Variants in PAX6 observed in about 807,000 individuals in gnomAD.
PAX6 encodes paired box 6, also known as paired box protein Pax-6.
Under a neutral mutation model 60.7 loss-of-function variants are expected in PAX6, and 7 were observed. The ratio of observed to expected loss-of-function variants is 0.12; its 90% CI spans 0.07 to 0.22. The LOEUF (loss-of-function observed/expected upper bound fraction) is 0.22, where lower values mean the gene tolerates loss of function less well. PAX6 is among the 10% of genes least tolerant of loss of function. The pLI, the probability that PAX6 is intolerant of heterozygous loss-of-function variation, is 1.00. For missense variants in PAX6, 355 were observed against 555.2 expected (o/e 0.64, Z 3.62); for synonymous variants, 208 against 201.2 (o/e 1.03, Z -0.29).
intron 12 of PAX6, chr11:31,791,163 T>A (rs935668542): frequency 6.6e-6 from 3 of 452,692 alleles, no homozygotes; most frequent in African/African-American, 6.0e-5. Context: ...TAACCTCTGC[T>A]AGCATCTTTG....
intron 4 of PAX6, 44 bp from the exon 5 acceptor site, chr11:31,802,878 G>C (rs1294887059): frequency 6.3e-7 from 1 of 1,589,200 alleles, no homozygotes; most frequent in South Asian, 1.1e-5. Context: ...GAAGAGAAGA[G>C]AGCAGAGTGA....
upstream of PAX6, among the ~76,000 whole-genome samples, chr11:31,815,488 G>A (rs1360616337): frequency 1.3e-5 from 2 of 152,136 alleles, no homozygotes; most frequent in Non-Finnish European, 2.9e-5. Context: ...ACAGGCAGGC[G>A]GGAACTGGGG....
At chr11:31,810,757 G>A in intron 2 of PAX6, 71 bp downstream of exon 2, 2 of 398,440 alleles carry the variant, frequency 5.0e-6, no homozygotes, top group Non-Finnish European at 8.8e-6. Flanking sequence ...GAGGAAGGAA[G>A]GGGGGAGGAA....
chr11:31,793,744 C>T lies in PAX6; in HGVS notation c.866G>A (p.Arg289Lys), dbSNP rs1950616870. ...ACTAGGTGTGTTGCTGGCCTGTCTT[C>T]TCTGATTCCTCAGTTTTTCTTCTCT... is the stretch of plus-strand genomic sequence containing the variant. ...WRREEKLRNQRRQASNTPSHI... is the reference protein window; with the variant it reads ...WRREEKLRNQKRQASNTPSHI... Residue 289 changes from arginine (R) to lysine (K), a missense_variant, in exon 11 of 14, where the codon AGA (arginine) becomes AAA (lysine). Around this residue, in one of 5 missense-constraint regions of PAX6, gnomAD observed 149 missense variants for 191.9 expected, o/e 0.78. Transcript: ENST00000640368. The T allele has an allele frequency of 1.9e-6, 3 of 1,614,062 alleles. No individual in the cohort carries two copies. Among genetic ancestry groups the T allele is most frequent in the Non-Finnish European group, 2.5e-6 (3 of 1,180,012 alleles).
chr11:31,816,571 G>A (rs778711468), intron 1 of PAX6: 4 of 702,518 alleles, frequency 5.7e-6, no homozygotes, highest in South Asian at 3.0e-5. Context: ...TTCCCACTGC[G>A]AAGCAGGCGA....
intron 8 of PAX6, among the ~76,000 whole-genome samples, chr11:31,795,569 A>G (rs889678644): frequency 6.6e-6 from 1 of 152,280 alleles, no homozygotes; most frequent in African/African-American, 2.4e-5. Context: ...TAAAAAAGAA[A>G]TAGTAGAGAG....
chr11:31,810,547 G>C (rs2135403704), intron 2 of PAX6: 1 of 250,882 alleles, frequency 4.0e-6, no homozygotes, highest in South Asian at 1.7e-4. Flanking sequence ...TTCTTCCCGC[G>C]AGCTCAGCCC....
intron 2 of PAX6, chr11:31,808,272 T>C (rs1956311763): frequency 6.6e-6 from 1 of 152,240 alleles, no homozygotes; most frequent in African/African-American, 2.4e-5. Flanking sequence ...TTTTAACTAC[T>C]TGGTAGACAG....
intron 8 of PAX6, among the ~76,000 whole-genome samples, chr11:31,797,507 G>GGA (rs1951962935): frequency 2.0e-5 from 2 of 101,394 alleles, no homozygotes; most frequent in Non-Finnish European, 3.7e-5. Context: ...TTTAAATCTG[G>GGA]AAAAAAAAAA....
chr11:31,795,074 T>C (rs1332896123), intron 8 of PAX6, among the ~76,000 whole-genome samples: 1 of 152,224 alleles, frequency 6.6e-6, no homozygotes, highest in Non-Finnish European at 1.5e-5. Context: ...AATGATCTTT[T>C]ATAAGTAACC....
chr11:31,806,334 T>C (rs955882416), intron 4 of PAX6, 68 bp downstream of exon 4: 104 of 1,563,164 alleles, frequency 6.7e-5, no homozygotes, highest in Middle Eastern at 2.1e-4. Context: ...CGAGTCCCTG[T>C]GTCCTCCCCT....
Position 31,800,970 on chromosome 11 carries a change from A to C in PAX6, c.400-114T>G, listed in dbSNP as rs1953629295. On this transcript the variant is annotated intron_variant, in intron 7 of 13. Coordinates refer to ENST00000640368, the MANE Select transcript of PAX6 (RefSeq NM_001368894.2). ...ACTCTCAACCCGTTAAAAAGCTCCC[A>C]GCCACCCCGGGACAGTGGGTGGATT... 2.7e-6 allele frequency: 3 copies of C among 1,110,498 alleles called. No homozygotes were observed. The East Asian group carries it at 7.4e-5, about 27-fold the overall frequency. The allele number at this position is 1,110,498 out of a possible 1,614,324, so 68.8% of individuals were successfully genotyped here.
intron 8 of PAX6, among the ~76,000 whole-genome samples, chr11:31,797,419 C>A (rs987242061): frequency 1.3e-5 from 2 of 151,034 alleles, no homozygotes; most frequent in Non-Finnish European, 2.9e-5. Flanking sequence ...AGGCAGCACG[C>A]GATCGCCGCC....
At chr11:31,803,549 A>G (rs1954804077) in intron 4 of PAX6, 1 of 152,550 alleles carries the variant, frequency 6.6e-6, no homozygotes, top group Non-Finnish European at 1.5e-5. Context: ...AGCAGCCAGT[A>G]TGTGGCTGGT....
intron 8 of PAX6, among the ~76,000 whole-genome samples, chr11:31,795,349 C>T (rs147610937): frequency 2.0e-5 from 3 of 152,238 alleles, no homozygotes; most frequent in East Asian, 1.9e-4. Context: ...TAGAAGTGCT[C>T]GCATTGTTCT....
Position 31,802,753 on chromosome 11 carries a change from T to G in PAX6, c.92A>C (p.Glu31Ala). The G allele has an allele frequency of 6.2e-7, 1 of 1,613,948 alleles. No homozygotes were observed. The highest frequency in any genetic ancestry group is 8.5e-7 in the Non-Finnish European group (1 of 1,179,980). The change falls in exon 5 of 14, where the codon GAG becomes GCG. Residue 31 changes from glutamate (E) to alanine (A), a missense_variant. Glu to Ala is a moderately radical substitution (Grantham distance 107). Coordinates refer to ENST00000640368, the MANE Select transcript of PAX6 (RefSeq NM_001368894.2). ...LPDSTRQKIV[E>A]LAHSGARPCD... is the part of the protein sequence containing the mutation. ...CGGCCGGGCCCCGCTGTGAGCTAGC[T>G]CTACAATCTTCTGCCGGGTGGAGTC...
At chr11:31,801,343 A>C in intron 7 of PAX6, 1 of 1,455,526 alleles carries the variant, frequency 6.9e-7, no homozygotes, top group Non-Finnish European at 9.0e-7. Context: ...TGCAGCATGC[A>C]AATGAAGTGA....
rs985505723 is a variant in PAX6, at chr11:31,800,521, C to G, written c.565+170G>C. On this transcript the variant is annotated intron_variant, in intron 8 of 13. Coordinates refer to ENST00000640368, the MANE Select transcript of PAX6 (RefSeq NM_001368894.2). Reference sequence around the variant, plus strand: ...TTCCCAGGCCAACAAAATGGTTCAACAAACACCACCTACATACAATGTGGT... The same window carrying G: ...TTCCCAGGCCAACAAAATGGTTCAAGAAACACCACCTACATACAATGTGGT... 3.4e-6 allele frequency: 3 copies of G among 872,980 alleles called. No individual in the cohort carries two copies. In the South Asian group the frequency reaches 4.1e-5, roughly 12 times the overall value. The allele number at this position is 872,980 out of a possible 1,614,324, so 54.1% of individuals were successfully genotyped here.
At chr11:31,816,666 G>A (rs911034479) in intron 1 of PAX6, 1 of 699,966 alleles carries the variant, frequency 1.4e-6, no homozygotes, top group African/African-American at 1.8e-5. Flanking sequence ...GACTGCCACT[G>A]CGCTCGTCCC....
Sources: gnomAD v4.1 joint callset for allele counts (sites outside exome capture counted in the v4.1 genomes callset) on GRCh38, gnomAD v4.1.1 for gene constraint, gnomAD v4.1.1 regional missense constraint, MANE v1.5 for transcripts, NCBI Gene and HGNC (gene_info 2026-07-23, HGNC 2026-07-21) for gene names.